FAM53B: variants seen among roughly 807,000 people sequenced by gnomAD.
FAM53B encodes protein FAM53B.
A neutral mutation model predicts 32.7 loss-of-function variants in FAM53B; 12 were observed. That is an observed-to-expected ratio of 0.37 (90% CI 0.24 to 0.59). The LOEUF is 0.59. Ranked by LOEUF, FAM53B falls within the 20% of genes least tolerant of loss-of-function variation. The probability of loss-of-function intolerance (pLI) is 0.72; values close to 1 mark genes in which losing one functional copy is unlikely to be tolerated. For synonymous variants in FAM53B, 234 were observed against 228.7 expected (o/e 1.02, Z -0.21); for missense variants, 477 against 577.7 (o/e 0.83, Z 1.79).
At chr10:124,713,441 T>C (rs1218796802) in intron 1 of FAM53B, 1 of 152,256 alleles carries the variant, frequency 6.6e-6, no homozygotes, top group Non-Finnish European at 1.5e-5. Context: ...CAGTCTTCAA[T>C]GTGTCTTCAT....
In FAM53B at chr10:124,681,719, C is replaced by T; in HGVS notation, c.794G>A (p.Arg265His). ...AAGGACACACGGCTGGGAGCGGCTG[C>T]GGGAAAGGCCGCTGGAGCGTCTCGC... ...ELARRSSGLS[R>H]SRSQPCVLND... The change falls in exon 4 of 5, where the codon CGC (arginine) becomes CAC (histidine). Residue 265 changes from arginine (R) to histidine (H), a missense_variant. Arg to His is a conservative substitution (Grantham distance 29). Transcript: ENST00000337318. The T allele has an allele frequency of 2.5e-6, 4 of 1,610,590 alleles. No homozygotes were observed. Among genetic ancestry groups the T allele is most frequent in the Non-Finnish European group, 3.4e-6 (4 of 1,178,544 alleles).
At chr10:124,630,124 T>C (rs894514039) in intron 4 of FAM53B, among the ~76,000 whole-genome samples, 4 of 152,198 alleles carry the variant, frequency 2.6e-5, no homozygotes, top group Non-Finnish European at 5.9e-5. Flanking sequence ...TAAAAAGGGA[T>C]AGCATCAGCC....
rs902082669 is a variant in FAM53B, at chr10:124,620,623, G to A, written c.*2619C>T. 6.6e-6 allele frequency: 1 copy of A among 152,348 alleles called. No individual in the cohort carries two copies. The highest frequency in any genetic ancestry group is 1.5e-5 in the Non-Finnish European group (1 of 68,140). 9.4% of individuals were successfully genotyped at this position (152,348 alleles called of 1,614,324 possible). On this transcript the variant is annotated 3_prime_UTR_variant, in exon 5 of 5. Coordinates refer to ENST00000337318, the MANE Select transcript of FAM53B (RefSeq NM_014661.4). ...ACCTCCTAGGCGAACCTCCCTCCCA[G>A]AGGACTGAGATCAGAAGTCCTGGGG...
chr10:124,636,176 G>A (rs928859296), intron 4 of FAM53B, among the ~76,000 whole-genome samples: 5 of 152,198 alleles, frequency 3.3e-5, no homozygotes, highest in East Asian at 1.9e-4. Context: ...ATGATCGCTT[G>A]TGTTTTCCAA....
rs1949781803 is a variant in FAM53B, at chr10:124,682,817, T to G, written c.134-438A>C. Among the ~76,000 whole-genome samples, 1 of 152,390 alleles carries G rather than the reference T, an allele frequency of 6.6e-6. No individual in the cohort carries two copies. Among genetic ancestry groups the G allele is most frequent in the South Asian group, 2.1e-4 (1 of 4,834 alleles). On this transcript the variant is annotated intron_variant, in intron 3 of 4. Coordinates refer to ENST00000337318, the MANE Select transcript of FAM53B (RefSeq NM_014661.4). The surrounding 1 kb of genome is among the most constrained non-coding windows in gnomAD (Gnocchi z 5.2). ...CCAGGTTCTCTGCAGCTCTCAGGACTGGGACTCGATGCCCTGGCAGAAGAC... is the reference window on the plus strand; with the variant it reads ...CCAGGTTCTCTGCAGCTCTCAGGACGGGGACTCGATGCCCTGGCAGAAGAC...
chr10:124,708,598 A>G (rs1450296017), intron 1 of FAM53B, among the ~76,000 whole-genome samples: 1 of 152,260 alleles, frequency 6.6e-6, no homozygotes, highest in African/African-American at 2.4e-5. Context: ...CTGAGCCAGA[A>G]ATGCCTGTCA....
At chr10:124,681,530 T>C (rs1207327254) in intron 4 of FAM53B, 77 bp downstream of exon 4, 17 of 1,321,570 alleles carry the variant, frequency 1.3e-5, no homozygotes, top group East Asian at 2.5e-5. Context: ...TGGCAATCTA[T>C]GCTTGTCTAG....
At position 124,659,797 on chromosome 10, in the gene FAM53B, G is replaced by A. The variant is rs145279081; in HGVS notation, c.906+21810C>T. Among the ~76,000 whole-genome samples the A allele has an allele frequency of 7.7e-3, 1,173 of 152,376 alleles. 18 individuals are homozygous for A. The highest frequency in any genetic ancestry group is 0.026 in the African/African-American group (1,082 of 41,598). On this transcript the variant is annotated intron_variant, in intron 4 of 4. Transcript: ENST00000337318. The stretch of plus-strand genomic sequence containing the variant: ...AGAGTTTTCTGGGTCCCAGGCCAGA[G>A]TCAACTTTGCTTTTGTTTTGTTTTT...
intron 4 of FAM53B, among the ~76,000 whole-genome samples, chr10:124,641,856 C>T (rs902326574): frequency 3.9e-5 from 6 of 152,138 alleles, no homozygotes; most frequent in African/African-American, 9.7e-5. Context: ...CTGGGCACTG[C>T]GAAAGGAACT....
At chr10:124,693,272 C>A (rs924947239) in intron 3 of FAM53B, among the ~76,000 whole-genome samples, 6 of 152,028 alleles carry the variant, frequency 3.9e-5, no homozygotes, top group Non-Finnish European at 7.4e-5. Flanking sequence ...GAAATCAAGA[C>A]CATCCTGGCC....
At chr10:124,738,156 G>A (rs919504305) in intron 1 of FAM53B, among the ~76,000 whole-genome samples, 4 of 151,912 alleles carry the variant, frequency 2.6e-5, no homozygotes, top group East Asian at 1.9e-4. Flanking sequence ...TCCCGAATAC[G>A]AAAGCCCCCA....
At chr10:124,704,180 C>T (rs373626370) in intron 2 of FAM53B, 1 of 152,294 alleles carries the variant, frequency 6.6e-6, no homozygotes, top group East Asian at 1.9e-4. Context: ...TCTAGTCGCA[C>T]CCACTCAGTC....
At position 124,682,126 on chromosome 10, in the gene FAM53B, T is replaced by C. The variant is rs371900982; in HGVS notation, c.387A>G (p.Ser129=). The C allele has an allele frequency of 6.2e-7, 1 of 1,613,632 alleles. No individual in the cohort carries two copies. Among genetic ancestry groups the C allele is most frequent in the Non-Finnish European group, 8.5e-7 (1 of 1,179,906 alleles). The change falls in exon 4 of 5, where the codon TCA becomes TCG. Residue 129 remains serine, a synonymous_variant. Transcript: ENST00000337318. This position sits in a 1 kb window ranked among gnomAD's most constrained non-coding sequence, Gnocchi z 5.2. The stretch of plus-strand genomic sequence containing the variant: ...AGACTTTGGAGCCCAAGGGCCTCCA[T>C]GATGTCCGGCAACTGGACATCTCAT... The part of the protein sequence containing the change: ...FSDEMSSCRT[S]WRPLGSKVWT...
intron 4 of FAM53B, among the ~76,000 whole-genome samples, chr10:124,664,860 G>A (rs1949658888): frequency 6.6e-6 from 1 of 152,208 alleles, no homozygotes; most frequent in African/African-American, 2.4e-5. Flanking sequence ...TGGGGCCAGA[G>A]GGAAGTCCCA....
intron 4 of FAM53B, among the ~76,000 whole-genome samples, chr10:124,664,965 T>C (rs1306121928): frequency 6.6e-6 from 1 of 152,230 alleles, no homozygotes; most frequent in Non-Finnish European, 1.5e-5. Flanking sequence ...AGGACAAACC[T>C]GACAAAGCTC....
chr10:124,665,153 C>A (rs920986676), intron 4 of FAM53B, among the ~76,000 whole-genome samples: 1 of 152,238 alleles, frequency 6.6e-6, no homozygotes, highest in Non-Finnish European at 1.5e-5. Context: ...TTCACAGCCT[C>A]CAGTGCTCTG....
intron 1 of FAM53B, among the ~76,000 whole-genome samples, chr10:124,718,472 A>C (rs1290411264): frequency 6.6e-6 from 1 of 152,216 alleles, no homozygotes; most frequent in African/African-American, 2.4e-5. Context: ...GCCAAAACAA[A>C]ACTGGAGGGA....
At chr10:124,631,143 G>A (rs1429040985) in intron 4 of FAM53B, among the ~76,000 whole-genome samples, 1 of 152,214 alleles carries the variant, frequency 6.6e-6, no homozygotes, top group Admixed American at 6.5e-5. Flanking sequence ...TGGCCTTGCT[G>A]TCCCCGCTCT....
intron 4 of FAM53B, among the ~76,000 whole-genome samples, chr10:124,659,119 T>C (rs3781455): frequency 0.28 from 41,841 of 152,138 alleles, 6,671 homozygotes; most frequent in South Asian, 0.38. Flanking sequence ...TCTGCCAGCA[T>C]CTTGCACATC....
Sources: gnomAD v4.1 joint callset for allele counts (sites outside exome capture counted in the v4.1 genomes callset) on GRCh38, gnomAD v4.1.1 for gene constraint, Gnocchi (gnomAD v3.1) non-coding constraint, MANE v1.5 for transcripts, NCBI Gene and HGNC (gene_info 2026-07-23, HGNC 2026-07-21) for gene names.